The following ARAP1 variants were observed in gnomAD, a reference collection of about 807,000 sequenced individuals.
ARAP1 encodes ArfGAP with RhoGAP domain, ankyrin repeat and PH domain 1.
ARAP1 carries 76 observed loss-of-function variants against 172.2 expected under a neutral mutation model. The observed-to-expected ratio is 0.44, with a 90% CI of 0.37 to 0.53. The LOEUF (loss-of-function observed/expected upper bound fraction) is 0.53. ARAP1 is among the 20% of genes least tolerant of loss of function. ARAP1 has a pLI of 0.00. For synonymous variants in ARAP1, 804 were observed against 803.3 expected (o/e 1.00, Z -0.01); for missense variants, 1,686 against 1,977.5 (o/e 0.85, Z 2.80).
Position 72,697,865 on chromosome 11 carries a change from G to A in ARAP1, c.2737+46C>T, listed in dbSNP as rs757172264. ...CAAGGGCTGGGGGCCTGGGAGCCCA[G>A]GATAGGGTGCCCTGGAGGCTGGGGG... On this transcript the variant is annotated intron_variant, in intron 19 of 34. Transcript: ENST00000393609. 6.6e-6 allele frequency: 10 copies of A among 1,519,052 alleles called. No homozygotes were observed. In the South Asian group the frequency reaches 1.3e-4, roughly 20 times the overall value. 94.1% of individuals were successfully genotyped at this position (1,519,052 alleles called of 1,614,324 possible).
chr11:72,690,309 T>C (rs12272399), intron 30 of ARAP1, among the ~76,000 whole-genome samples: 3,319 of 152,268 alleles, frequency 0.022, 133 homozygotes, highest in African/African-American at 0.076. Context: ...CTCCGATTCC[T>C]TGGGGTCTGA....
intron 11 of ARAP1, chr11:72,708,379 T>G (rs574086518): frequency 6.6e-6 from 1 of 152,384 alleles, no homozygotes; most frequent in Non-Finnish European, 1.5e-5. Context: ...AGGCCCTTTG[T>G]GTAGAACACT....
At chr11:72,687,417 C>A (rs747954763) in intron 33 of ARAP1, 22 bp downstream of exon 33, 1 of 1,614,194 alleles carries the variant, frequency 6.2e-7, no homozygotes, top group South Asian at 1.1e-5. Flanking sequence ...CCACCCCACA[C>A]CCCACACTCT....
Position 72,712,520 on chromosome 11 carries a change from G to A in ARAP1, c.796C>T (p.Leu266=), listed in dbSNP as rs779841363. ...RVPRAVRVAS[L]LSEGEELSGD... Reference sequence around the variant, plus strand: ...GACAGTTCCTCTCCCTCGCTCAGCAGACTGGCCACGCGCACGGCCCGTGGG... The same window carrying A: ...GACAGTTCCTCTCCCTCGCTCAGCAAACTGGCCACGCGCACGGCCCGTGGG... Residue 266 remains leucine (L), a synonymous_variant, in exon 6 of 35, where the codon CTG becomes TTG. Coordinates refer to ENST00000393609, the MANE Select transcript of ARAP1 (RefSeq NM_001040118.3). 4 of 1,613,516 alleles carry A rather than the reference G, an allele frequency of 2.5e-6. No individual in the cohort carries two copies. Among genetic ancestry groups the A allele is most frequent in the Middle Eastern group, 1.6e-4 (1 of 6,084 alleles).
chr11:72,705,925 G>A, intron 12 of ARAP1, 35 bp from the exon 13 acceptor site: 2 of 1,608,320 alleles, frequency 1.2e-6, no homozygotes, highest in Non-Finnish European at 1.7e-6. Flanking sequence ...AATCACCTGG[G>A]CCCCCCCTTC....
At chr11:72,739,874 C>T (rs1858149735) in intron 1 of ARAP1, among the ~76,000 whole-genome samples, 1 of 152,198 alleles carries the variant, frequency 6.6e-6, no homozygotes, top group Non-Finnish European at 1.5e-5. Flanking sequence ...ACTACCACAG[C>T]CTACCTCCAG....
intron 22 of ARAP1, 127 bp from the exon 23 acceptor site, chr11:72,696,781 G>C: frequency 2.1e-6 from 2 of 951,096 alleles, no homozygotes; most frequent in Non-Finnish European, 3.1e-6. Flanking sequence ...ATGCAGGCCA[G>C]GCATTCAACC....
Position 72,714,174 on chromosome 11 carries a change from C to T in ARAP1, c.657G>A (p.Pro219=), listed in dbSNP as rs546084137. ...CACCGAACTCTGGGAACAGGCGTAC[C>T]GGCTTTGGAGGTATCTCCGGGGGGC... The part of the protein sequence containing the change: ...PPCPPEIPPK[P]VRLFPEFDDS... The change falls in exon 4 of 35, where the codon CCG becomes CCA. Residue 219 remains proline (P), a synonymous_variant. Coordinates refer to ENST00000393609, the MANE Select transcript of ARAP1 (RefSeq NM_001040118.3). 3.5e-5 allele frequency: 52 copies of T among 1,503,020 alleles called. No homozygotes were observed. Among genetic ancestry groups the T allele is most frequent in the East Asian group, 1.6e-4 (6 of 38,634 alleles). 93.1% of individuals were successfully genotyped at this position (1,503,020 alleles called of 1,614,324 possible).
rs1855998543 is a variant in ARAP1 at position 72,692,826 on chromosome 11, T to C, written c.3955-41A>G. 3 of 1,611,466 alleles carry C rather than the reference T, an allele frequency of 1.9e-6. No homozygotes were observed. In the African/African-American group the frequency reaches 4.0e-5, roughly 22 times the overall value. On this transcript the variant is annotated intron_variant, in intron 29 of 34. Coordinates refer to ENST00000393609, the MANE Select transcript of ARAP1 (RefSeq NM_001040118.3). ...TCAGGGTTATGGAAGAAGTCCCAGG[T>C]CTAGAGCCAGGACAGCATGTGCAGT...
chr11:72,738,735 C>T (rs144446790), intron 1 of ARAP1, among the ~76,000 whole-genome samples: 163 of 152,204 alleles, frequency 1.1e-3, no homozygotes, highest in African/African-American at 3.8e-3. Context: ...GTCTACAAAC[C>T]ACACCCCACT....
At position 72,706,306 on chromosome 11, in the gene ARAP1, T is replaced by C. The variant is rs143924832; in HGVS notation, c.1724-416A>G. ...TTTCTACCCAGACTGTCATCACCCA[T>C]GTCCTCATGGCCACTCCTTCCTGCC... is the stretch of plus-strand genomic sequence containing the variant. On this transcript the variant is annotated intron_variant, in intron 12 of 34. Coordinates refer to ENST00000393609, the MANE Select transcript of ARAP1 (RefSeq NM_001040118.3). Among the ~76,000 whole-genome samples, 80 of 152,274 alleles carry C rather than the reference T, an allele frequency of 5.3e-4. 1 individual carries two copies. The East Asian group carries it at 0.015, about 29-fold the overall frequency.
intron 30 of ARAP1, among the ~76,000 whole-genome samples, chr11:72,691,029 G>C (rs368110003): frequency 1.1e-3 from 166 of 152,390 alleles, no homozygotes; most frequent in South Asian, 7.4e-3. Flanking sequence ...TCTGGGGTGT[G>C]AAGAGCACCA....
At position 72,694,179 on chromosome 11, in the gene ARAP1, A is replaced by G. The variant is rs72964122; in HGVS notation, c.3695-374T>C. 7.5e-3 allele frequency among the ~76,000 whole-genome samples: 1,118 copies of G among 149,748 alleles called. 5 individuals are homozygous for G. The highest frequency in any genetic ancestry group is 0.012 in the Non-Finnish European group (791 of 67,626). On this transcript the variant is annotated intron_variant, in intron 27 of 34. Transcript: ENST00000393609. ...CACGTCGAATCTCTCTGCTCTGTCT[A>G]TCTCCACTGCTGCCACCCCAGCCCA...
intron 34 of ARAP1, 123 bp downstream of exon 34, chr11:72,685,919 T>A (rs1260449083): frequency 6.4e-7 from 1 of 1,557,238 alleles, no homozygotes; most frequent in Non-Finnish European, 8.8e-7. Context: ...CCACCAAGGC[T>A]GGAGGGAGGG....
At chr11:72,698,471 C>T (rs1279785656) in intron 18 of ARAP1, among the ~76,000 whole-genome samples, 2 of 152,240 alleles carry the variant, frequency 1.3e-5, no homozygotes, top group African/African-American at 4.8e-5. Flanking sequence ...AGAGCTAGGA[C>T]TAAGCCTGGT....
In ARAP1 at chr11:72,726,693, C is replaced by T. The variant is rs1231753806; in HGVS notation, c.436G>A (p.Ala146Thr). The change falls in exon 3 of 35, where the codon GCT (alanine) becomes ACT (threonine). Residue 146 changes from alanine (A) to threonine (T), a missense_variant. This residue lies in a region of ARAP1 where 190 missense variants were observed against 228.6 expected (regional missense o/e 0.83). Coordinates refer to ENST00000393609, the MANE Select transcript of ARAP1 (RefSeq NM_001040118.3). The surrounding 1 kb of genome is among the most constrained non-coding windows in gnomAD (Gnocchi z 6.5). ...APDPVLPPLP[A>T]KRHLAELSVP... ...CTCAGCTCTGCCAAATGCCGCTTAG[C>T]AGGCAGCGGGGGCAGCACAGGGTCT... 33 of 1,546,620 alleles carry T rather than the reference C, an allele frequency of 2.1e-5. 1 individual carries two copies. In the Middle Eastern group the frequency reaches 2.3e-3, roughly 109 times the overall value.
chr11:72,720,297 G>T (rs1470771713), intron 3 of ARAP1, among the ~76,000 whole-genome samples: 1 of 152,088 alleles, frequency 6.6e-6, no homozygotes, highest in Non-Finnish European at 1.5e-5. Context: ...TCAGTCCTAT[G>T]CCTCCTGCTT....
chr11:72,741,548 A>G lies in ARAP1; in HGVS notation c.-127-8951T>C, dbSNP rs1858199291. ...GTGGCAACTCCTCCCACAGAGGGCA[A>G]GGGGCAGCCTGAGGAGCCACAGGAT... On this transcript the variant is annotated intron_variant, in intron 1 of 34. Transcript: ENST00000393609. This position sits in a 1 kb window ranked among gnomAD's most constrained non-coding sequence, Gnocchi z 4.5. 6.6e-6 allele frequency among the ~76,000 whole-genome samples: 1 copy of G among 152,064 alleles called. No individual in the cohort carries two copies. Among genetic ancestry groups the G allele is most frequent in the Non-Finnish European group, 1.5e-5 (1 of 67,998 alleles).
At chr11:72,728,395 A>C (rs1857762390) in intron 2 of ARAP1, among the ~76,000 whole-genome samples, 1 of 152,184 alleles carries the variant, frequency 6.6e-6, no homozygotes, top group Non-Finnish European at 1.5e-5. Flanking sequence ...AGCCTGGGCA[A>C]TACAGTGAAA....
Sources: allele counts gnomAD v4.1 joint callset (sites outside exome capture counted in the v4.1 genomes callset), GRCh38; gene constraint gnomAD v4.1.1; regional missense constraint gnomAD v4.1.1; non-coding constraint Gnocchi (gnomAD v3.1); transcripts MANE v1.5; gene names NCBI Gene and HGNC (gene_info 2026-07-23, HGNC 2026-07-21).